CCDC85A: variants seen among roughly 807,000 people sequenced by gnomAD.
CCDC85A encodes coiled-coil domain-containing protein 85A.
A neutral mutation model predicts 50.2 loss-of-function variants in CCDC85A; 38 were observed. The observed-to-expected ratio is 0.76, with a 90% confidence interval of 0.58 to 0.99. The LOEUF (loss-of-function observed/expected upper bound fraction) is 0.99, where lower values mean the gene tolerates loss of function less well. Ranked by LOEUF, CCDC85A falls within the 50% of genes least tolerant of loss-of-function variation. The pLI, the probability that CCDC85A is intolerant of heterozygous loss-of-function variation, is 0.00. For missense variants in CCDC85A, 820 were observed against 742.0 expected, an observed-to-expected ratio of 1.11 and a Z score of -1.22; for synonymous variants, 366 against 301.4, an observed-to-expected ratio of 1.21 and a Z score of -2.22.
intron 2 of CCDC85A, among the ~76,000 whole-genome samples, chr2:56,225,703 T>C (rs1256027240): frequency 6.6e-6 from 1 of 152,176 alleles, no homozygotes; most frequent in Non-Finnish European, 1.5e-5. Context: ...GGGATTGCAT[T>C]GAATCTGTAG....
chr2:56,184,639 C>T lies in CCDC85A; in HGVS notation c.15C>T (p.Ala5=), dbSNP rs1042051840. 4.9e-6 allele frequency: 7 copies of T among 1,434,264 alleles called. No individual in the cohort carries two copies. Among genetic ancestry groups the T allele is most frequent in the Non-Finnish European group, 6.3e-6 (7 of 1,107,644 alleles). The allele number at this position is 1,434,264 out of a possible 1,614,324, so 88.8% of individuals were successfully genotyped here. The part of the protein sequence containing the change: MSKA[A]GGAAAAAAAA... ...CCGCGGATACCATGTCGAAGGCGGC[C>T]GGAGGCGCGGCGGCGGCTGCGGCGG... Residue 5 remains alanine, a synonymous_variant, in exon 1 of 6, where the codon GCC becomes GCT. Coordinates refer to ENST00000407595, the MANE Select transcript of CCDC85A (RefSeq NM_001080433.2).
At chr2:56,343,266 C>A (rs1674464972) in intron 3 of CCDC85A, among the ~76,000 whole-genome samples, 1 of 152,206 alleles carries the variant, frequency 6.6e-6, no homozygotes, top group African/African-American at 2.4e-5. Context: ...TACTCATATA[C>A]ACCATGCATG....
chr2:56,186,282 A>G (rs534568045), intron 1 of CCDC85A, among the ~76,000 whole-genome samples: 1 of 152,320 alleles, frequency 6.6e-6, no homozygotes, highest in East Asian at 1.9e-4. Flanking sequence ...AGGCTAGTGT[A>G]GTAGGAAGAT....
intron 2 of CCDC85A, among the ~76,000 whole-genome samples, chr2:56,263,636 A>G (rs1328624537): frequency 6.6e-6 from 1 of 152,204 alleles, no homozygotes; most frequent in Admixed American, 6.5e-5. Flanking sequence ...ATATATAAGA[A>G]TATATGCTAG....
chr2:56,338,457 T>C (rs1674191531), intron 2 of CCDC85A, among the ~76,000 whole-genome samples: 1 of 152,134 alleles, frequency 6.6e-6, no homozygotes, highest in Admixed American at 6.5e-5. Flanking sequence ...ATGTGGTCAA[T>C]GTGTTCCAGT....
intron 2 of CCDC85A, among the ~76,000 whole-genome samples, chr2:56,275,509 C>A (rs1178804395): frequency 7.0e-6 from 1 of 141,984 alleles, no homozygotes; most frequent in African/African-American, 2.5e-5. Flanking sequence ...ATCATATAGA[C>A]CACTCATTTT....
chr2:56,232,537 ATAAGCCTC>A, intron 2 of CCDC85A, among the ~76,000 whole-genome samples: 1 of 152,288 alleles, frequency 6.6e-6, no homozygotes, highest in Middle Eastern at 3.4e-3. Flanking sequence ...TGATGGTTTT[ATAAGCCTC>A]TGGCATTTCC....
At chr2:56,264,622 C>T (rs1670358896) in intron 2 of CCDC85A, among the ~76,000 whole-genome samples, 1 of 152,188 alleles carries the variant, frequency 6.6e-6, no homozygotes, top group Non-Finnish European at 1.5e-5. Context: ...CCCTAGCTTT[C>T]TAGTGTCTAG....
intron 2 of CCDC85A, among the ~76,000 whole-genome samples, chr2:56,322,933 G>T (rs982884287): frequency 6.6e-6 from 1 of 152,120 alleles, no homozygotes; most frequent in African/African-American, 2.4e-5. Context: ...AGGAAATGTG[G>T]CACATATACA....
chr2:56,188,960 T>C (rs925497312), intron 1 of CCDC85A, among the ~76,000 whole-genome samples: 1 of 152,120 alleles, frequency 6.6e-6, no homozygotes, highest in Non-Finnish European at 1.5e-5. Context: ...GGAGAAAAAA[T>C]TGATGTCTAG....
chr2:56,364,529 A>T (rs1675693927), intron 3 of CCDC85A, among the ~76,000 whole-genome samples: 1 of 152,210 alleles, frequency 6.6e-6, no homozygotes, highest in Non-Finnish European at 1.5e-5. Flanking sequence ...TTCACATGTC[A>T]GGAGAAAACC....
chr2:56,349,049 A>T (rs946554388), intron 3 of CCDC85A, among the ~76,000 whole-genome samples: 2 of 152,204 alleles, frequency 1.3e-5, no homozygotes, highest in African/African-American at 4.8e-5. Context: ...TGTTATTTGC[A>T]TAGAAATTAC....
chr2:56,305,247 G>A (rs1053836153), intron 2 of CCDC85A, among the ~76,000 whole-genome samples: 8 of 152,154 alleles, frequency 5.3e-5, no homozygotes, highest in Non-Finnish European at 8.8e-5. Flanking sequence ...ATGTTTACTA[G>A]TAATGGCTAG....
At chr2:56,205,014 G>T (rs370016119) in intron 2 of CCDC85A, among the ~76,000 whole-genome samples, 11 of 152,250 alleles carry the variant, frequency 7.2e-5, no homozygotes, top group African/African-American at 2.6e-4. Context: ...GTCTCAGATG[G>T]CAGACAACAA....
At position 56,374,039 on chromosome 2, in the gene CCDC85A, A is replaced by G. The variant is rs147361920; in HGVS notation, c.1452+1561A>G. ...GATGTATTAGGCATTATTGTTTCTG[A>G]TTTGATCTGGTTTATAAATACAGGA... On this transcript the variant is annotated intron_variant, in intron 4 of 5. Coordinates refer to ENST00000407595, the MANE Select transcript of CCDC85A (RefSeq NM_001080433.2). Among the ~76,000 whole-genome samples, 25 of 152,274 alleles carry G rather than the reference A, an allele frequency of 1.6e-4. 1 individual carries two copies. The highest frequency in any genetic ancestry group is 6.0e-4 in the African/African-American group (25 of 41,566).
intron 5 of CCDC85A, among the ~76,000 whole-genome samples, chr2:56,382,029 T>A (rs17047867): frequency 0.11 from 17,009 of 151,954 alleles, 1,017 homozygotes; most frequent in Non-Finnish European, 0.13. Flanking sequence ...TCCCCAGAAT[T>A]TGAGGAAAAA....
intron 2 of CCDC85A, among the ~76,000 whole-genome samples, chr2:56,250,892 T>A (rs948048094): frequency 5.3e-5 from 8 of 152,230 alleles, no homozygotes; most frequent in Non-Finnish European, 1.0e-4. Context: ...CTTTTTTTTC[T>A]TTCTGTCATA....
chr2:56,267,035 C>CT lies in CCDC85A; in HGVS notation c.1240+73605dup, dbSNP rs565901601. Among the ~76,000 whole-genome samples, 99 of 148,880 alleles carry CT rather than the reference C, an allele frequency of 6.6e-4. 2 individuals carry two copies. Among genetic ancestry groups the CT allele is most frequent in the South Asian group, 3.2e-3 (15 of 4,668 alleles). ...CTTAGGCAAATGAAGACAGCTTTAG[C>CT]TTTTTTTTTTCTAATATACAATGTA... On this transcript the variant is annotated intron_variant, in intron 2 of 5. Coordinates refer to ENST00000407595, the MANE Select transcript of CCDC85A (RefSeq NM_001080433.2).
At chr2:56,307,273 A>T (rs1045524710) in intron 2 of CCDC85A, among the ~76,000 whole-genome samples, 2 of 152,186 alleles carry the variant, frequency 1.3e-5, no homozygotes, top group Admixed American at 1.3e-4. Flanking sequence ...AAAATGATAG[A>T]TAAAGTTTGT....
Sources: gnomAD v4.1 joint callset for allele counts (sites outside exome capture counted in the v4.1 genomes callset) on GRCh38, gnomAD v4.1.1 for gene constraint, MANE v1.5 for transcripts, NCBI Gene and HGNC (gene_info 2026-07-23, HGNC 2026-07-21) for gene names.